ZNF367: variants seen among roughly 807,000 people sequenced by gnomAD.
ZNF367 encodes the protein C2H2 zinc finger protein ZFF29.
ZNF367 carries 11 observed loss-of-function variants against 31.8 expected under a neutral mutation model. That is an observed-to-expected ratio of 0.35 (90% confidence interval 0.22 to 0.57). The LOEUF (loss-of-function observed/expected upper bound fraction) is 0.57. Ranked by LOEUF, ZNF367 falls within the 20% of genes least tolerant of loss-of-function variation. ZNF367 has a pLI of 0.85. For synonymous variants in ZNF367, 199 were observed against 202.4 expected (o/e 0.98, Z 0.14); for missense variants, 353 against 484.1 (o/e 0.73, Z 2.54).
At chr9:96,394,699 A>G (rs1831509784) in intron 3 of ZNF367, 124 bp downstream of exon 3, 1 of 911,938 alleles carries the variant, frequency 1.1e-6, no homozygotes, top group South Asian at 2.0e-5. Context: ...CAAAGAAGAA[A>G]GCTTATAAAG....
At position 96,392,416 on chromosome 9, in the gene ZNF367, G is replaced by C. The variant is rs146858237; in HGVS notation, c.812C>G (p.Ala271Gly). 6.2e-7 allele frequency: 1 copy of C among 1,614,200 alleles called. No individual in the cohort carries two copies. Among genetic ancestry groups the C allele is most frequent in the Non-Finnish European group, 8.5e-7 (1 of 1,180,042 alleles). Residue 271 changes from alanine to glycine, a missense_variant, in exon 4 of 5, where the codon GCG becomes GGG. Physicochemically the swap from Ala to Gly is moderately conservative, Grantham distance 60. Transcript: ENST00000375256. ...SKHQAADNKA[A>G]AEWLARYWEM... ...TCCTGACCTCGCCAGCCACTCGGCCGCGGCCTTGTTGTCGGCAGCCTGATG... is the reference window on the plus strand; with the variant it reads ...TCCTGACCTCGCCAGCCACTCGGCCCCGGCCTTGTTGTCGGCAGCCTGATG...
chr9:96,415,698 A>C (rs1015708902), intron 1 of ZNF367, among the ~76,000 whole-genome samples: 10 of 151,484 alleles, frequency 6.6e-5, no homozygotes, highest in East Asian at 3.9e-4. Context: ...GGGTTTCACC[A>C]TGTTGGTCAG....
chr9:96,391,179 C>A (rs969782326), intron 4 of ZNF367, among the ~76,000 whole-genome samples: 5 of 152,096 alleles, frequency 3.3e-5, no homozygotes, highest in Admixed American at 3.3e-4. Flanking sequence ...TTATCAAGGC[C>A]CAGAAGCTCT....
At chr9:96,411,486 G>C (rs1035109544) in intron 1 of ZNF367, among the ~76,000 whole-genome samples, 2 of 151,894 alleles carry the variant, frequency 1.3e-5, no homozygotes, top group African/African-American at 4.8e-5. Flanking sequence ...TCACTTGAGA[G>C]TGGGAGTTCA....
At position 96,386,027 on chromosome 9, in the gene ZNF367, A is replaced by C; in HGVS notation, c.*2210T>G. ...ATGCTGTTAACTCTGCCAAACTACA[A>C]CTTAGCCATATGAAGCATAAAACAC... On this transcript the variant is annotated 3_prime_UTR_variant, in exon 5 of 5. Coordinates refer to ENST00000375256, the MANE Select transcript of ZNF367 (RefSeq NM_153695.4). The C allele has an allele frequency of 6.6e-6, 1 of 152,288 alleles. No individual in the cohort carries two copies. The highest frequency in any genetic ancestry group is 3.4e-3 in the Middle Eastern group (1 of 292). The allele number at this position is 152,288 out of a possible 1,614,324, so 9.4% of individuals were successfully genotyped here. A position where few individuals can be genotyped will look rare whatever the true frequency, so the allele number is the denominator to read the frequency against.
chr9:96,409,308 G>A (rs1831711828), intron 1 of ZNF367, among the ~76,000 whole-genome samples: 1 of 152,076 alleles, frequency 6.6e-6, no homozygotes, highest in Admixed American at 6.5e-5. Context: ...ACAACATACG[G>A]TTCTACCATC....
In ZNF367 at chr9:96,398,139, T is replaced by C. The variant is rs771623835; in HGVS notation, c.571+25A>G. Reference sequence around the variant, plus strand: ...AAAAAAAAAGTGTTACTTCTGGCAGTCTCTATAAAATTTGCTCAACTTACC... The same window carrying C: ...AAAAAAAAAGTGTTACTTCTGGCAGCCTCTATAAAATTTGCTCAACTTACC... On this transcript the variant is annotated intron_variant, in intron 2 of 4. Transcript: ENST00000375256. The C allele has an allele frequency of 4.7e-6, 4 of 848,742 alleles. No individual in the cohort carries two copies. In the African/African-American group the frequency reaches 5.5e-5, roughly 12 times the overall value. 52.6% of individuals were successfully genotyped at this position (848,742 alleles called of 1,614,324 possible).
chr9:96,396,246 A>G (rs1831529172), intron 2 of ZNF367, among the ~76,000 whole-genome samples: 1 of 152,150 alleles, frequency 6.6e-6, no homozygotes, highest in Non-Finnish European at 1.5e-5. Flanking sequence ...TCTTACCCAC[A>G]CTGGCAACTC....
intron 1 of ZNF367, among the ~76,000 whole-genome samples, chr9:96,406,258 G>C (rs1831670393): frequency 6.6e-6 from 1 of 152,138 alleles, no homozygotes; most frequent in African/African-American, 2.4e-5. Flanking sequence ...TGCTTTTAGG[G>C]CTTTCAATAT....
At chr9:96,408,177 G>A (rs1314744356) in intron 1 of ZNF367, among the ~76,000 whole-genome samples, 1 of 151,940 alleles carries the variant, frequency 6.6e-6, no homozygotes, top group Non-Finnish European at 1.5e-5. Flanking sequence ...AAACCTGCAC[G>A]TTGTGCACAT....
intron 1 of ZNF367, among the ~76,000 whole-genome samples, chr9:96,402,127 G>A (rs940984145): frequency 1.2e-4 from 18 of 148,666 alleles, no homozygotes; most frequent in Non-Finnish European, 2.2e-4. Flanking sequence ...ATGGTGGCAC[G>A]CGCCTATAGT....
At position 96,394,892 on chromosome 9, in the gene ZNF367, G is replaced by T; in HGVS notation, c.622C>A (p.Gln208Lys). Residue 208 changes from glutamine to lysine, a missense_variant, in exon 3 of 5, where the codon CAA becomes AAA. Gln to Lys is a moderately conservative substitution (Grantham distance 53). Around this residue, in one of 5 missense-constraint regions of ZNF367, gnomAD observed 57 missense variants for 141.9 expected, o/e 0.40. Coordinates refer to ENST00000375256, the MANE Select transcript of ZNF367 (RefSeq NM_153695.4). ...TGATGTGTTTTGAGCTGTCCACTTT[G>T]AACAAAGGCTTTTCCACAGTCTGGA... Reference protein sequence around the residue: ...DYPDCGKAFVQSGQLKTHQRL... With the variant: ...DYPDCGKAFVKSGQLKTHQRL... The T allele has an allele frequency of 6.2e-7, 1 of 1,614,056 alleles. No homozygotes were observed. Among genetic ancestry groups the T allele is most frequent in the South Asian group, 1.1e-5 (1 of 91,054 alleles).
intron 1 of ZNF367, among the ~76,000 whole-genome samples, chr9:96,410,314 C>T (rs1333999385): frequency 1.3e-5 from 2 of 151,590 alleles, no homozygotes; most frequent in Non-Finnish European, 2.9e-5. Flanking sequence ...GTAATCCCAG[C>T]ACTTTGGGAG....
chr9:96,398,867 T>G (rs1831565731), intron 1 of ZNF367, among the ~76,000 whole-genome samples: 1 of 152,202 alleles, frequency 6.6e-6, no homozygotes, highest in Non-Finnish European at 1.5e-5. Flanking sequence ...TTGCCTGTTT[T>G]GAGCCTGCGG....
intron 1 of ZNF367, chr9:96,407,480 C>G: frequency 7.6e-7 from 1 of 1,308,712 alleles, no homozygotes; most frequent in Non-Finnish European, 1.1e-6. Flanking sequence ...AAAAGACTAT[C>G]AAAGATGCAT....
chr9:96,406,540 AAAG>A (rs1356218757), intron 1 of ZNF367, among the ~76,000 whole-genome samples: 8 of 152,222 alleles, frequency 5.3e-5, no homozygotes, highest in African/African-American at 1.7e-4. Flanking sequence ...CTGAAAGTCT[AAAG>A]AAAGTTTTCA....
chr9:96,392,623 A>G, intron 3 of ZNF367, 87 bp from the exon 4 acceptor site: 1 of 1,495,646 alleles, frequency 6.7e-7, no homozygotes, highest in Non-Finnish European at 9.0e-7. Context: ...TGGTATCCAG[A>G]AAAGTAAATT....
chr9:96,410,911 T>C (rs1478725709), intron 1 of ZNF367, among the ~76,000 whole-genome samples: 3 of 136,504 alleles, frequency 2.2e-5, no homozygotes, highest in Non-Finnish European at 4.8e-5. Context: ...AAAAAAAACA[T>C]AGTGGCTGGC....
intron 1 of ZNF367, among the ~76,000 whole-genome samples, chr9:96,410,379 G>A (rs1359465183): frequency 1.3e-5 from 2 of 150,922 alleles, no homozygotes; most frequent in Non-Finnish European, 2.9e-5. Flanking sequence ...GGCTAACACG[G>A]TGAAATCCCG....
Sources: allele counts gnomAD v4.1 joint callset (sites outside exome capture counted in the v4.1 genomes callset), GRCh38; gene constraint gnomAD v4.1.1; regional missense constraint gnomAD v4.1.1; transcripts MANE v1.5; gene names NCBI Gene and HGNC (gene_info 2026-07-23, HGNC 2026-07-21).